ARHGEF6: variants seen among roughly 807,000 people sequenced by gnomAD.
ARHGEF6 encodes the protein rho guanine nucleotide exchange factor 6.
In ARHGEF6, 9 loss-of-function variants were observed where a neutral mutation model predicts 70.3. The observed-to-expected ratio is 0.13, with a 90% CI of 0.08 to 0.22. ARHGEF6 has a LOEUF of 0.22. ARHGEF6 is among the 10% of genes least tolerant of loss of function. The pLI is 1.00. For synonymous variants in ARHGEF6, 201 were observed against 207.8 expected, an observed-to-expected ratio of 0.97 and a Z score of 0.28; for missense variants, 470 against 563.0, an observed-to-expected ratio of 0.83 and a Z score of 1.67.
At chrX:136,759,714 G>A (rs1046103954) in intron 2 of ARHGEF6, among the ~76,000 whole-genome samples, 1 of 110,689 alleles carries the variant, frequency 9.0e-6, no homozygotes, top group African/African-American at 3.3e-5. Context: ...GGTGAGACAA[G>A]TCCTTAATAA....
intron 2 of ARHGEF6, among the ~76,000 whole-genome samples, chrX:136,766,361 T>C (rs1276938143): frequency 2.9e-5 from 3 of 105,091 alleles, no homozygotes; most frequent in Non-Finnish European, 5.8e-5. Flanking sequence ...GAGCATAAAC[T>C]GAAATTTATC....
intron 20 of ARHGEF6, among the ~76,000 whole-genome samples, chrX:136,671,297 G>A (rs894555952): frequency 8.9e-6 from 1 of 111,837 alleles, no homozygotes; most frequent in Non-Finnish European, 1.9e-5. Flanking sequence ...CCATTTTGCT[G>A]TATCACTTCA....
intron 5 of ARHGEF6, among the ~76,000 whole-genome samples, chrX:136,743,194 C>A (rs746530481): frequency 9.0e-5 from 10 of 111,073 alleles, no homozygotes; most frequent in Non-Finnish European, 1.9e-4. Flanking sequence ...GCTTACAGGG[C>A]TTAAGGCTAA....
rs780577559 is a variant in ARHGEF6, at chrX:136,732,152, CT to C, written c.681del (p.Ala228ProfsTer41). ...IKSSERPLSPKAVKGFETAPL... is the reference protein window; with the variant it reads ...IKSSERPLSPXAVKGFETAPL... The stretch of plus-strand genomic sequence containing the variant: ...GGAGCAGTTTCAAATCCTTTGACGG[CT>C]TTTGGGGAGAGAGGTCTCTCTGTGA... On this transcript the variant is annotated frameshift_variant, in exon 6 of 22. Coordinates refer to ENST00000250617, the MANE Select transcript of ARHGEF6 (RefSeq NM_004840.3). LOFTEE classifies it high-confidence loss of function. 2.5e-6 allele frequency: 3 copies of C among 1,206,273 alleles called. No individual in the cohort carries two copies. Among genetic ancestry groups the C allele is most frequent in the Non-Finnish European group, 3.4e-6 (3 of 891,311 alleles).
intron 6 of ARHGEF6, among the ~76,000 whole-genome samples, chrX:136,721,303 C>A (rs1270069738): frequency 8.9e-6 from 1 of 111,938 alleles, no homozygotes; most frequent in Admixed American, 9.4e-5. Context: ...TGGCTCATGC[C>A]TATAATCCCA....
intron 6 of ARHGEF6, among the ~76,000 whole-genome samples, chrX:136,716,375 C>T (rs1443537165): frequency 8.9e-6 from 1 of 112,043 alleles, no homozygotes; most frequent in Non-Finnish European, 1.9e-5. Flanking sequence ...GCCATCCTGT[C>T]CCACCTAAGC....
intron 5 of ARHGEF6, chrX:136,737,424 G>A (rs1014157327): frequency 7.5e-5 from 23 of 305,456 alleles, no homozygotes; most frequent in Middle Eastern, 1.1e-3. Context: ...CTGAGATCGC[G>A]CCATTGCACT....
intron 16 of ARHGEF6, 74 bp downstream of exon 16, chrX:136,679,461 C>T (rs1381193267): frequency 1.8e-6 from 2 of 1,122,658 alleles, no homozygotes; most frequent in Admixed American, 2.2e-5. Context: ...CTAGCACATT[C>T]CCACAGAACT....
chrX:136,685,705 T>C lies in ARHGEF6; in HGVS notation c.1364A>G (p.Gln455Arg). The C allele has an allele frequency of 8.3e-7, 1 of 1,211,231 alleles. No individual in the cohort carries two copies. Among genetic ancestry groups the C allele is most frequent in the Non-Finnish European group, 1.1e-6 (1 of 895,016 alleles). Residue 455 changes from glutamine (Q) to arginine (R), a missense_variant, in exon 12 of 22, where the codon CAA becomes CGA. By Grantham distance (43) the Gln-to-Arg change is conservative (BLOSUM62 1). Coordinates refer to ENST00000250617, the MANE Select transcript of ARHGEF6 (RefSeq NM_004840.3). ...KNLGNVIFMS[Q>R]VMVQYGACEE... The stretch of plus-strand genomic sequence containing the variant: ...ACATGCTCCATACTGCACCATTACT[T>C]GTGACATAAAAATCACATTTCCCAA...
At chrX:136,762,250 G>A (rs746483550) in intron 2 of ARHGEF6, among the ~76,000 whole-genome samples, 41 of 112,196 alleles carry the variant, frequency 3.7e-4, no homozygotes, top group Non-Finnish European at 7.5e-4. Flanking sequence ...ATTTTCAAAA[G>A]GAAATCTTTC....
intron 7 of ARHGEF6, among the ~76,000 whole-genome samples, chrX:136,710,168 G>A (rs2076669330): frequency 1.9e-5 from 2 of 107,449 alleles, no homozygotes; most frequent in South Asian, 4.2e-4. Context: ...GCCATGCGTG[G>A]TGGCACATGC....
At chrX:136,776,267 A>G (rs1202427582) in intron 2 of ARHGEF6, among the ~76,000 whole-genome samples, 1 of 112,169 alleles carries the variant, frequency 8.9e-6, no homozygotes, top group African/African-American at 3.2e-5. Flanking sequence ...ATCTAGAGGC[A>G]TCACATTACC....
intron 15 of ARHGEF6, 65 bp from the exon 16 acceptor site, chrX:136,679,725 G>C: frequency 8.5e-7 from 1 of 1,172,679 alleles, no homozygotes; most frequent in Non-Finnish European, 1.2e-6. Flanking sequence ...GCCACACAGT[G>C]AGAGAACAAC....
At chrX:136,768,780 G>A (rs1320597199) in intron 2 of ARHGEF6, among the ~76,000 whole-genome samples, 2 of 111,807 alleles carry the variant, frequency 1.8e-5, no homozygotes, top group Non-Finnish European at 3.8e-5. Context: ...TTTCAGAACT[G>A]CTTCCCTGCA....
intron 3 of ARHGEF6, among the ~76,000 whole-genome samples, chrX:136,746,681 A>G (rs2077098136): frequency 8.9e-6 from 1 of 111,908 alleles, no homozygotes; most frequent in African/African-American, 3.2e-5. Context: ...GTGCTTGGGC[A>G]TAAGGGCTCT....
chrX:136,721,088 C>A (rs1027267847), intron 6 of ARHGEF6, among the ~76,000 whole-genome samples: 1 of 112,042 alleles, frequency 8.9e-6, no homozygotes, highest in Non-Finnish European at 1.9e-5. Flanking sequence ...ATAGATTCAA[C>A]ATAATTCCAA....
chrX:136,709,958 T>C (rs2076666637), intron 7 of ARHGEF6, among the ~76,000 whole-genome samples: 3 of 108,946 alleles, frequency 2.8e-5, no homozygotes, highest in Admixed American at 2.0e-4. Context: ...GGAGTAAGAC[T>C]CTGTCAAAAA....
chrX:136,686,573 T>G (rs2148587101), intron 11 of ARHGEF6, among the ~76,000 whole-genome samples: 1 of 87,805 alleles, frequency 1.1e-5, no homozygotes, highest in East Asian at 3.4e-4. Context: ...TCTTTCTATA[T>G]ATATGTGTGT....
At chrX:136,744,784 C>T in intron 4 of ARHGEF6, among the ~76,000 whole-genome samples, 1 of 111,937 alleles carries the variant, frequency 8.9e-6, no homozygotes, top group East Asian at 2.8e-4. Flanking sequence ...AATTTAAAAT[C>T]AAGCCTTCCT....
Sources: gnomAD v4.1 joint callset for allele counts (sites outside exome capture counted in the v4.1 genomes callset) on GRCh38, gnomAD v4.1.1 for gene constraint, MANE v1.5 for transcripts, NCBI Gene and HGNC (gene_info 2026-07-23, HGNC 2026-07-21) for gene names.